The following HHIPL1 variants were observed in gnomAD, a reference collection of about 807,000 sequenced individuals.
HHIPL1 encodes the protein HHIP like 1.
HHIPL1 carries 43 observed loss-of-function variants against 61.8 expected under a neutral mutation model. That is an observed-to-expected ratio of 0.70 (90% CI 0.55 to 0.90). The LOEUF (loss-of-function observed/expected upper bound fraction) is 0.90, where lower values mean the gene tolerates loss of function less well. Among genes scored for constraint, HHIPL1 ranks in the 40% least tolerant of loss-of-function variants. HHIPL1 has a pLI of 0.00. For missense variants in HHIPL1, 1,056 were observed against 1,157.7 expected, an observed-to-expected ratio of 0.91 and a Z score of 1.28; for synonymous variants, 482 against 515.8, an observed-to-expected ratio of 0.93 and a Z score of 0.89.
rs751067004 is a variant in HHIPL1 at position 99,652,678 on chromosome 14, G to A, written c.710G>A (p.Arg237Gln). Reference protein sequence around the residue: ...RLGKPFLNISRVVLTSPWEGD... With the variant: ...RLGKPFLNISQVVLTSPWEGD... ...GGGAAGCCTTTCCTGAACATCAGCC[G>A]GGTGGTGCTCACCTCGCCCTGGGAG... Residue 237 changes from arginine (R) to glutamine (Q), a missense_variant, in exon 2 of 9, where the codon CGG becomes CAG. Coordinates refer to ENST00000330710, the MANE Select transcript of HHIPL1 (RefSeq NM_001127258.3). 3.3e-5 allele frequency: 53 copies of A among 1,613,822 alleles called. No individual in the cohort carries two copies. The highest frequency in any genetic ancestry group is 1.1e-4 in the East Asian group (5 of 44,890).
intron 1 of HHIPL1, among the ~76,000 whole-genome samples, chr14:99,647,856 A>G (rs1314463201): frequency 6.6e-6 from 1 of 152,108 alleles, no homozygotes; most frequent in Non-Finnish European, 1.5e-5. Flanking sequence ...CTTGTCCAGT[A>G]AGTGCCTGTG....
intron 8 of HHIPL1, among the ~76,000 whole-genome samples, 196 bp from the exon 9 acceptor site, chr14:99,674,895 G>A (rs189706065): frequency 1.3e-5 from 2 of 152,308 alleles, no homozygotes; most frequent in Non-Finnish European, 2.9e-5. Context: ...GCATCTTGCT[G>A]GGTCCGGGTG....
chr14:99,635,235 G>A, the HHIPL1 span, among the ~76,000 whole-genome samples: 1 of 152,166 alleles, frequency 6.6e-6, no homozygotes, highest in African/African-American at 2.4e-5. Context: ...GGGCGTCCAG[G>A]GAACATGGAG....
chr14:99,645,596 A>T, intron 1 of HHIPL1, 134 bp downstream of exon 1: 1 of 984,970 alleles, frequency 1.0e-6, no homozygotes, highest in Non-Finnish European at 1.3e-6. Context: ...ACAGGGAGTC[A>T]TTTGGCACGG....
At chr14:99,646,842 AATATAATATAATATAATATG>A (rs1566804864) in intron 1 of HHIPL1, among the ~76,000 whole-genome samples, 3 of 96,852 alleles carry the variant, frequency 3.1e-5, no homozygotes, top group Non-Finnish European at 6.1e-5. Flanking sequence ...GATATAATAT[AATATAATATAATATAATATG>A]ATATAATATG....
chr14:99,646,710 G>C (rs1425560376), intron 1 of HHIPL1, among the ~76,000 whole-genome samples: 1 of 151,690 alleles, frequency 6.6e-6, no homozygotes, highest in Non-Finnish European at 1.5e-5. Flanking sequence ...GGAGGCAGAG[G>C]TTGCAGTGAG....
the HHIPL1 span, among the ~76,000 whole-genome samples, chr14:99,620,845 T>C: frequency 1.3e-5 from 2 of 152,152 alleles, no homozygotes; most frequent in Non-Finnish European, 2.9e-5. Context: ...GGACACCCTC[T>C]GAAGGAGCAG....
At position 99,668,224 on chromosome 14, in the gene HHIPL1, G is replaced by A; in HGVS notation, c.1651G>A (p.Glu551Lys). The part of the protein sequence containing the change: ...IISFGEDEAG[E>K]LYFMSTGEPS... Reference sequence around the variant, plus strand: ...TAGTCACTTTGTTCTGTCCAAAGGGGAGCTGTACTTCATGTCGACAGGGGA... The same window carrying A: ...TAGTCACTTTGTTCTGTCCAAAGGGAAGCTGTACTTCATGTCGACAGGGGA... The change falls in exon 7 of 9, where the codon GAG becomes AAG. Residue 551 changes from glutamate (E) to lysine (K), a missense_variant and splice_region_variant. By Grantham distance (56) the Glu-to-Lys change is moderately conservative (BLOSUM62 1). Transcript: ENST00000330710. The surrounding 1 kb of genome is among the most constrained non-coding windows in gnomAD (Gnocchi z 4.7). 1 of 1,603,880 alleles carries A rather than the reference G, an allele frequency of 6.2e-7. No individual in the cohort carries two copies. The highest frequency in any genetic ancestry group is 8.5e-7 in the Non-Finnish European group (1 of 1,170,740).
intron 3 of HHIPL1, among the ~76,000 whole-genome samples, chr14:99,657,932 C>T (rs950503112): frequency 1.3e-5 from 2 of 152,142 alleles, no homozygotes; most frequent in Admixed American, 1.3e-4. Context: ...CACATACATA[C>T]ACATACACAC....
intron 7 of HHIPL1, among the ~76,000 whole-genome samples, chr14:99,671,375 G>GA (rs1263150446): frequency 2.0e-5 from 3 of 152,170 alleles, no homozygotes; most frequent in Admixed American, 6.5e-5. Flanking sequence ...GTCAGAGCAA[G>GA]AAAAAAACCT....
chr14:99,644,265 C>G (rs2055791219), upstream of HHIPL1, among the ~76,000 whole-genome samples: 1 of 152,142 alleles, frequency 6.6e-6, no homozygotes, highest in Admixed American at 6.5e-5. Context: ...TAGGAGCTCA[C>G]TGGACAGAGA....
At position 99,645,301 on chromosome 14, in the gene HHIPL1, C is replaced by T. The variant is rs1039035840; in HGVS notation, c.94C>T (p.Pro32Ser). ...CCTGGACTTCAGGCCGCCCTTCCGG[C>T]CGACGCAGCCGCTGCGCCTCTGCGC... The part of the protein sequence containing the change: ...QCLDFRPPFR[P>S]TQPLRLCAQY... The change falls in exon 1 of 9, where the codon CCG (proline) becomes TCG (serine). Residue 32 changes from proline to serine, a missense_variant. By Grantham distance (74) the Pro-to-Ser change is moderately conservative. Coordinates refer to ENST00000330710, the MANE Select transcript of HHIPL1 (RefSeq NM_001127258.3). The T allele has an allele frequency of 2.1e-6, 3 of 1,450,334 alleles. No homozygotes were observed. The highest frequency in any genetic ancestry group is 5.2e-5 in the Admixed American group (2 of 38,480). The allele number at this position is 1,450,334 out of a possible 1,614,324, so 89.8% of individuals were successfully genotyped here.
At chr14:99,662,775 A>G in intron 5 of HHIPL1, 101 bp from the exon 6 acceptor site, 1 of 1,080,588 alleles carries the variant, frequency 9.3e-7, no homozygotes, top group East Asian at 2.4e-5. Context: ...GAAGGGAGGG[A>G]GGAATGGATA....
the HHIPL1 span, among the ~76,000 whole-genome samples, chr14:99,633,322 C>G: frequency 6.6e-6 from 1 of 152,234 alleles, no homozygotes; most frequent in Non-Finnish European, 1.5e-5. Context: ...TCAGCTGCAG[C>G]CTCGGGGAAG....
At chr14:99,644,812 G>C (rs369036844), upstream of HHIPL1, among the ~76,000 whole-genome samples, 32 of 152,306 alleles carry the variant, frequency 2.1e-4, no homozygotes, top group Middle Eastern at 6.8e-3. Context: ...CGGGCTGCGG[G>C]CATCCGTTTC....
intron 5 of HHIPL1, among the ~76,000 whole-genome samples, chr14:99,661,381 AAGAAAGAAAGAGAG>A (rs909033641): frequency 2.7e-5 from 4 of 148,262 alleles, no homozygotes; most frequent in South Asian, 2.1e-4. Context: ...CTAGTGTGGA[AAGAAAGAAAGAGAG>A]AGAAAGAAAG....
At chr14:99,636,273 G>A in the HHIPL1 span, among the ~76,000 whole-genome samples, 11 of 152,056 alleles carry the variant, frequency 7.2e-5, no homozygotes. Flanking sequence ...GAGAGACCTG[G>A]GGGTGGAGTT....
chr14:99,671,900 T>TCC (rs2056330124), intron 7 of HHIPL1, among the ~76,000 whole-genome samples: 1 of 152,060 alleles, frequency 6.6e-6, no homozygotes, highest in Non-Finnish European at 1.5e-5. Context: ...AGAGAGACCC[T>TCC]CCTCAAAGGC....
chr14:99,663,854 G>A (rs563857511), intron 6 of HHIPL1, among the ~76,000 whole-genome samples: 26 of 152,324 alleles, frequency 1.7e-4, no homozygotes, highest in South Asian at 4.1e-4. Context: ...CCGGTTAGCC[G>A]GCCAGGAAGG....
Sources: gnomAD v4.1 joint callset for allele counts (sites outside exome capture counted in the v4.1 genomes callset) on GRCh38, gnomAD v4.1.1 for gene constraint, Gnocchi (gnomAD v3.1) non-coding constraint, MANE v1.5 for transcripts, NCBI Gene and HGNC (gene_info 2026-07-23, HGNC 2026-07-21) for gene names.